HECW2: variants seen among roughly 807,000 people sequenced by gnomAD.
HECW2 encodes HECT, C2 and WW domain containing E3 ubiquitin protein ligase 2, also known as E3 ubiquitin-protein ligase HECW2.
In HECW2, 61 loss-of-function variants were observed where a neutral mutation model predicts 175.2. The ratio of observed to expected loss-of-function variants is 0.35; its 90% CI spans 0.28 to 0.43. The LOEUF (loss-of-function observed/expected upper bound fraction) is 0.43, where lower values mean the gene tolerates loss of function less well. Ranked by LOEUF, HECW2 falls within the 20% of genes least tolerant of loss-of-function variation. The probability of loss-of-function intolerance (pLI) is 1.00; values close to 1 mark genes in which losing one functional copy is unlikely to be tolerated. For synonymous variants in HECW2, 671 were observed against 731.0 expected, an observed-to-expected ratio of 0.92 and a Z score of 1.32; for missense variants, 1,524 against 2,000.5, an observed-to-expected ratio of 0.76 and a Z score of 4.54.
chr2:196,249,005 G>A (rs190013002), intron 19 of HECW2, among the ~76,000 whole-genome samples: 19 of 152,236 alleles, frequency 1.2e-4, no homozygotes, highest in African/African-American at 4.3e-4. Flanking sequence ...CCCAAACCAT[G>A]AAATATCCTC....
rs564676095 is a variant in HECW2, at chr2:196,518,641, C to T, written c.-36+74867G>A. ...CTGCACTCCAGCCTAGGCAACAGAGCGAGATTCTGTCTCAAAAAAAAAAAA... is the reference window on the plus strand; with the variant it reads ...CTGCACTCCAGCCTAGGCAACAGAGTGAGATTCTGTCTCAAAAAAAAAAAA... On this transcript the variant is annotated intron_variant, in intron 1 of 28. Transcript: ENST00000644978. 1.5e-4 allele frequency among the ~76,000 whole-genome samples: 18 copies of T among 121,710 alleles called. No homozygotes were observed. The South Asian group carries it at 3.2e-3, about 21-fold the overall frequency. The allele number at this position is 121,710 out of a possible 152,430, so 79.8% of individuals were successfully genotyped here. A position where few individuals can be genotyped will look rare whatever the true frequency, so the allele number is the denominator to read the frequency against.
At chr2:196,579,505 T>C (rs1690688835) in intron 1 of HECW2, among the ~76,000 whole-genome samples, 1 of 152,158 alleles carries the variant, frequency 6.6e-6, no homozygotes, top group African/African-American at 2.4e-5. Context: ...GATCCAACTA[T>C]ATGCTGTCTA....
At chr2:196,518,256 A>T (rs963012116) in intron 1 of HECW2, among the ~76,000 whole-genome samples, 13 of 152,250 alleles carry the variant, frequency 8.5e-5, no homozygotes, top group Non-Finnish European at 1.8e-4. Flanking sequence ...ACACAAAGAC[A>T]TCTGAGTCTG....
At chr2:196,423,556 G>A (rs1262918830) in intron 2 of HECW2, among the ~76,000 whole-genome samples, 1 of 152,076 alleles carries the variant, frequency 6.6e-6, no homozygotes, top group Non-Finnish European at 1.5e-5. Context: ...CTATTGCTTA[G>A]AACATTGTCA....
chr2:196,344,248 C>T (rs57999071), intron 2 of HECW2, among the ~76,000 whole-genome samples: 26,817 of 130,636 alleles, frequency 0.21, 2,522 homozygotes, highest in Middle Eastern at 0.42. Context: ...TTAGGGAACA[C>T]AAACCAAGTT....
intron 1 of HECW2, among the ~76,000 whole-genome samples, chr2:196,459,210 CT>C (rs1390215979): frequency 1.3e-5 from 2 of 152,160 alleles, no homozygotes; most frequent in African/African-American, 4.8e-5. Context: ...GGGAAGGCAT[CT>C]TTGAGGCAGT....
At chr2:196,506,013 A>G (rs1460148445) in intron 1 of HECW2, among the ~76,000 whole-genome samples, 2 of 152,174 alleles carry the variant, frequency 1.3e-5, no homozygotes, top group South Asian at 2.1e-4. Flanking sequence ...GTATCTCTCA[A>G]TAAGGCAGTC....
chr2:196,566,699 A>ATTTTTTTTTTTTTTTTTT (rs58391487), intron 1 of HECW2, among the ~76,000 whole-genome samples: 4 of 94,206 alleles, frequency 4.2e-5, no homozygotes, highest in Non-Finnish European at 6.0e-5. Flanking sequence ...CACCCAGCTA[A>ATTTTTTTTTTTTTTTTTT]TTTTTTTTTT....
At chr2:196,342,890 ATAT>A (rs1356526879) in intron 3 of HECW2, among the ~76,000 whole-genome samples, 1 of 152,052 alleles carries the variant, frequency 6.6e-6, no homozygotes, top group Non-Finnish European at 1.5e-5. Flanking sequence ...ATATGAATAA[ATAT>A]TAATTATAGA....
chr2:196,359,070 C>CT (rs1693490678), intron 2 of HECW2, among the ~76,000 whole-genome samples: 2 of 152,190 alleles, frequency 1.3e-5, no homozygotes, highest in South Asian at 2.1e-4. Flanking sequence ...GAATCTCTAC[C>CT]TTGTCACTAT....
At chr2:196,389,454 A>G (rs944902196) in intron 2 of HECW2, among the ~76,000 whole-genome samples, 19 of 152,206 alleles carry the variant, frequency 1.2e-4, no homozygotes, top group Non-Finnish European at 2.2e-4. Flanking sequence ...CAAAACATGC[A>G]TTAGTAAATA....
intron 1 of HECW2, among the ~76,000 whole-genome samples, chr2:196,438,801 AC>A (rs1695955741): frequency 6.6e-6 from 1 of 152,140 alleles, no homozygotes; most frequent in South Asian, 2.1e-4. Flanking sequence ...CTGGGGATAG[AC>A]TTGAGGATGG....
At chr2:196,224,369 G>A (rs1687774803) in intron 23 of HECW2, among the ~76,000 whole-genome samples, 1 of 152,150 alleles carries the variant, frequency 6.6e-6, no homozygotes, top group Admixed American at 6.5e-5. Context: ...GATCATGACT[G>A]AGAGTACAGA....
At chr2:196,257,626 A>T in intron 18 of HECW2, 197 bp downstream of exon 18, 1 of 574,272 alleles carries the variant, frequency 1.7e-6, no homozygotes, top group Non-Finnish European at 3.1e-6. Flanking sequence ...AAAATTAAAC[A>T]GATCTCAGTG....
chr2:196,269,472 T>C (rs983040599), intron 17 of HECW2: 3 of 93,582 alleles, frequency 3.2e-5, no homozygotes, highest in African/African-American at 1.3e-4. Flanking sequence ...GCGACAAGAG[T>C]GGGACTCCGT....
At chr2:196,325,554 C>A (rs368864939) in intron 5 of HECW2, among the ~76,000 whole-genome samples, 1 of 152,176 alleles carries the variant, frequency 6.6e-6, no homozygotes, top group African/African-American at 2.4e-5. Flanking sequence ...TGTAATTCGG[C>A]AACCAGAATT....
At chr2:196,314,471 C>A (rs1314300003) in intron 10 of HECW2, among the ~76,000 whole-genome samples, 1 of 152,202 alleles carries the variant, frequency 6.6e-6, no homozygotes, top group African/African-American at 2.4e-5. Context: ...AATCTCAGAT[C>A]AGAATACCTG....
At chr2:196,254,893 C>T (rs1688992887) in intron 18 of HECW2, among the ~76,000 whole-genome samples, 1 of 151,676 alleles carries the variant, frequency 6.6e-6, no homozygotes, top group South Asian at 2.1e-4. Flanking sequence ...ATTTCTATGC[C>T]TTTTCATAAC....
At chr2:196,235,659 T>A (rs1318173882) in intron 21 of HECW2, among the ~76,000 whole-genome samples, 1 of 135,312 alleles carries the variant, frequency 7.4e-6, no homozygotes, top group African/African-American at 2.8e-5. Context: ...TTTTTTTTTT[T>A]TTTTTTTTTT....
Sources: gnomAD v4.1 joint callset for allele counts (sites outside exome capture counted in the v4.1 genomes callset) on GRCh38, gnomAD v4.1.1 for gene constraint, MANE v1.5 for transcripts, NCBI Gene and HGNC (gene_info 2026-07-23, HGNC 2026-07-21) for gene names.